PTPN13: variants seen among roughly 807,000 people sequenced by gnomAD.
PTPN13 encodes the protein protein tyrosine phosphatase non-receptor type 13.
PTPN13 carries 191 observed loss-of-function variants against 284.0 expected under a neutral mutation model. The observed-to-expected ratio is 0.67, with a 90% CI of 0.60 to 0.76. The LOEUF (loss-of-function observed/expected upper bound fraction) is 0.76. PTPN13 is among the 30% of genes least tolerant of loss of function. PTPN13 has a pLI of 0.00. For synonymous variants in PTPN13, 986 were observed against 1,022.3 expected (o/e 0.96, Z 0.68); for missense variants, 2,797 against 2,939.9 (o/e 0.95, Z 1.12).
At chr4:86,734,262 AT>A (rs904675072) in intron 12 of PTPN13, 40 bp from the exon 13 acceptor site, 4 of 1,361,602 alleles carry the variant, frequency 2.9e-6, no homozygotes, top group Non-Finnish European at 2.9e-6. Flanking sequence ...ACACTAAAGT[AT>A]TTTTTTATTT....
chr4:86,602,440 T>C (rs1406141283), intron 1 of PTPN13, among the ~76,000 whole-genome samples: 2 of 152,152 alleles, frequency 1.3e-5, no homozygotes, highest in African/African-American at 4.8e-5. Flanking sequence ...TTAATAAATA[T>C]TAGCTATTAT....
intron 3 of PTPN13, among the ~76,000 whole-genome samples, chr4:86,685,974 A>G (rs1729406392): frequency 6.6e-6 from 1 of 152,236 alleles, no homozygotes; most frequent in South Asian, 2.1e-4. Flanking sequence ...TGGTTAAATA[A>G]ACAGTGCTTT....
At chr4:86,646,290 ATTT>A (rs772882076) in intron 2 of PTPN13, among the ~76,000 whole-genome samples, 29 of 132,856 alleles carry the variant, frequency 2.2e-4, no homozygotes, top group African/African-American at 6.5e-4. Context: ...AATATTTGCA[ATTT>A]TTTTTTTTTT....
chr4:86,674,432 C>A (rs550125717), intron 3 of PTPN13, among the ~76,000 whole-genome samples: 1 of 152,134 alleles, frequency 6.6e-6, no homozygotes, highest in Non-Finnish European at 1.5e-5. Context: ...TTTCTTTAAA[C>A]TGACAATCAT....
chr4:86,595,377 G>A (rs1332963449), intron 1 of PTPN13, among the ~76,000 whole-genome samples: 1 of 151,788 alleles, frequency 6.6e-6, no homozygotes, highest in Non-Finnish European at 1.5e-5. Flanking sequence ...CTACCCTCCG[G>A]CCCCCTAGCC....
chr4:86,727,777 TTGA>T (rs1734450571), intron 10 of PTPN13, among the ~76,000 whole-genome samples: 1 of 149,492 alleles, frequency 6.7e-6, no homozygotes, highest in Admixed American at 6.7e-5. Flanking sequence ...CCTAAATTCA[TTGA>T]TTTTTTTGAA....
chr4:86,723,985 T>C (rs1733956090), intron 10 of PTPN13, among the ~76,000 whole-genome samples: 1 of 152,318 alleles, frequency 6.6e-6, no homozygotes, highest in African/African-American at 2.4e-5. Context: ...TCCTTCACAG[T>C]ATTCTAAGGA....
At chr4:86,775,775 T>C (rs1740564883) in intron 35 of PTPN13, 123 bp downstream of exon 35, 1 of 803,812 alleles carries the variant, frequency 1.2e-6, no homozygotes, top group South Asian at 1.8e-5. Context: ...TTGGCAGGAC[T>C]TAATAAATTT....
rs987700057 is a variant in PTPN13 at position 86,766,530 on chromosome 4, TATACC to T, written c.4329+15_4329+19del. The T allele has an allele frequency of 4.5e-6, 7 of 1,559,868 alleles. No individual in the cohort carries two copies. The highest frequency in any genetic ancestry group is 6.1e-6 in the Non-Finnish European group (7 of 1,147,146). On this transcript the variant is annotated intron_variant, in intron 27 of 47. Coordinates refer to ENST00000411767, the MANE Select transcript of PTPN13 (RefSeq NM_080683.3). ...AAATACAGGACAGGTAACAGATCAT[TATACC>T]AACCTTTTACAGTACCTTAGAAGAG...
intron 1 of PTPN13, among the ~76,000 whole-genome samples, chr4:86,612,151 C>G (rs1202649730): frequency 6.6e-6 from 1 of 152,108 alleles, no homozygotes; most frequent in Non-Finnish European, 1.5e-5. Context: ...AATTTAACTT[C>G]AAGCCTGAGC....
At chr4:86,641,654 A>G (rs190793503) in intron 2 of PTPN13, among the ~76,000 whole-genome samples, 9 of 152,328 alleles carry the variant, frequency 5.9e-5, no homozygotes, top group African/African-American at 1.9e-4. Flanking sequence ...TTTGATAATC[A>G]TGCAATTCTA....
At chr4:86,722,157 C>G in intron 9 of PTPN13, 55 bp from the exon 10 acceptor site, 3 of 1,445,054 alleles carry the variant, frequency 2.1e-6, no homozygotes, top group Non-Finnish European at 1.9e-6. Context: ...GCTTGATTAG[C>G]CTTAAAACAA....
chr4:86,598,071 T>C (rs1295462795), intron 1 of PTPN13, among the ~76,000 whole-genome samples: 1 of 152,116 alleles, frequency 6.6e-6, no homozygotes, highest in East Asian at 1.9e-4. Context: ...CTGACAAATA[T>C]GTATCCAAAT....
At chr4:86,680,399 A>C (rs866427252) in intron 3 of PTPN13, among the ~76,000 whole-genome samples, 4 of 125,836 alleles carry the variant, frequency 3.2e-5, no homozygotes, top group East Asian at 2.3e-4. Flanking sequence ...CTATCTATCT[A>C]TCTCTATCTC....
intron 25 of PTPN13, 130 bp from the exon 26 acceptor site, chr4:86,765,265 A>G: frequency 1.6e-6 from 1 of 633,684 alleles, no homozygotes; most frequent in Non-Finnish European, 2.8e-6. Context: ...ACTAATGAAT[A>G]TACTGTACAT....
chr4:86,681,536 AGAAACT>A (rs1728887101), intron 3 of PTPN13, among the ~76,000 whole-genome samples: 1 of 152,232 alleles, frequency 6.6e-6, no homozygotes, highest in Non-Finnish European at 1.5e-5. Flanking sequence ...GCTGAGGGTA[AGAAACT>A]GAAGCCAAAG....
rs1332120420 is a variant in PTPN13, at chr4:86,750,826, CCTT to C, written c.3010_3012del (p.Ser1004del). On this transcript the variant is annotated inframe_deletion, in exon 18 of 48. Coordinates refer to ENST00000411767, the MANE Select transcript of PTPN13 (RefSeq NM_080683.3). The stretch of plus-strand genomic sequence containing the variant: ...AACCGTTGCAGAGTTGGTGGGAAAA[CCTT>C]CTCACCAGATGTCAAGATCTGATGC... 47 of 1,613,618 alleles carry C rather than the reference CCTT, an allele frequency of 2.9e-5. No individual in the cohort carries two copies. The highest frequency in any genetic ancestry group is 3.8e-5 in the Non-Finnish European group (45 of 1,179,800).
intron 2 of PTPN13, among the ~76,000 whole-genome samples, chr4:86,655,466 G>C (rs1725670196): frequency 6.6e-6 from 1 of 152,096 alleles, no homozygotes; most frequent in Admixed American, 6.5e-5. Context: ...GCATTTGCTT[G>C]TCTGTAAAGG....
At chr4:86,789,099 C>T (rs10516783) in intron 40 of PTPN13, among the ~76,000 whole-genome samples, 15,153 of 152,114 alleles carry the variant, frequency 0.1, 873 homozygotes, top group Non-Finnish European at 0.11. Flanking sequence ...TAAGTCATTG[C>T]GAGTAGGGTA....
Sources: allele counts gnomAD v4.1 joint callset (sites outside exome capture counted in the v4.1 genomes callset), GRCh38; gene constraint gnomAD v4.1.1; transcripts MANE v1.5; gene names NCBI Gene and HGNC (gene_info 2026-07-23, HGNC 2026-07-21).